The following SCN9A variants were observed in gnomAD, a reference collection of about 807,000 sequenced individuals.
The protein encoded by SCN9A is sodium channel protein type 9 subunit alpha.
In SCN9A, 131 loss-of-function variants were observed where a neutral mutation model predicts 187.0. The observed-to-expected ratio is 0.70, with a 90% CI of 0.61 to 0.81. SCN9A has a LOEUF of 0.81. SCN9A is among the 30% of genes least tolerant of loss of function. The pLI, the probability that SCN9A is intolerant of heterozygous loss-of-function variation, is 0.00. For missense variants in SCN9A, 2,252 were observed against 2,396.6 expected (o/e 0.94, Z 1.26); for synonymous variants, 809 against 808.6 (o/e 1.00, Z -0.01).
intron 1 of SCN9A, 21 bp from the exon 2 acceptor site, chr2:166,311,827 A>G: frequency 2.1e-6 from 3 of 1,434,376 alleles, no homozygotes. Context: ...ACAAAGAAAT[A>G]AAGACTTAAC....
At chr2:166,205,136 T>C (rs540337793) in intron 24 of SCN9A, 2 of 149,632 alleles carry the variant, frequency 1.3e-5, no homozygotes, top group East Asian at 4.2e-4. Flanking sequence ...CCACTGACTT[T>C]CTTCACAAAA....
At chr2:166,347,002 G>C (rs767039336) in intron 1 of SCN9A, among the ~76,000 whole-genome samples, 1 of 152,164 alleles carries the variant, frequency 6.6e-6, no homozygotes, top group East Asian at 1.9e-4. Context: ...ATTGGGACTG[G>C]GAGTGAGTCA....
intron 2 of SCN9A, among the ~76,000 whole-genome samples, chr2:166,308,645 G>A (rs765492974): frequency 7.9e-5 from 12 of 151,992 alleles, no homozygotes; most frequent in African/African-American, 2.4e-4. Flanking sequence ...TAATACGGCC[G>A]GGCGTGGTGG....
rs1470536862 is a variant in SCN9A at position 166,305,989 on chromosome 2, T to C, written c.468-69A>G. The stretch of plus-strand genomic sequence containing the variant: ...CAACCACCATGTAAATCTTTATAAC[T>C]TATTTTCTCTAATTAACCACTGGAA... On this transcript the variant is annotated intron_variant, in intron 4 of 26. Coordinates refer to ENST00000642356, the MANE Select transcript of SCN9A (RefSeq NM_001365536.1). 9 of 1,574,720 alleles carry C rather than the reference T, an allele frequency of 5.7e-6. No homozygotes were observed. The Admixed American group carries it at 1.2e-4, about 22-fold the overall frequency.
At chr2:166,212,129 G>A (rs796205297) in intron 24 of SCN9A, among the ~76,000 whole-genome samples, 17 of 152,266 alleles carry the variant, frequency 1.1e-4, no homozygotes, top group African/African-American at 3.1e-4. Flanking sequence ...CTATACAGTC[G>A]TCCTTCAGTA....
At chr2:166,347,780 C>T (rs184784994) in intron 1 of SCN9A, among the ~76,000 whole-genome samples, 1 of 152,102 alleles carries the variant, frequency 6.6e-6, no homozygotes, top group African/African-American at 2.4e-5. Context: ...GGTAGCCAAT[C>T]GTAACCCAGC....
chr2:166,284,811 A>G lies in SCN9A; in HGVS notation c.1616T>C (p.Ile539Thr). The change falls in exon 12 of 27, where the codon ATT becomes ACT. Residue 539 changes from isoleucine to threonine, a missense_variant. Transcript: ENST00000642356. ...CCTTGCAGAAAACAAGGAGCCACGA[A>G]TGCTGAGTGGTGACTGCAGAAAAAT... ...LSTPNQSPLS[I>T]RGSLFSARRS... The G allele has an allele frequency of 6.2e-7, 1 of 1,610,660 alleles. No individual in the cohort carries two copies. Among genetic ancestry groups the G allele is most frequent in the African/African-American group, 1.3e-5 (1 of 74,962 alleles).
At chr2:166,345,780 C>G (rs1484680388) in intron 1 of SCN9A, among the ~76,000 whole-genome samples, 1 of 151,914 alleles carries the variant, frequency 6.6e-6, no homozygotes, top group African/African-American at 2.4e-5. Context: ...ACTACCTCCT[C>G]CCCAAATAAA....
intron 1 of SCN9A, among the ~76,000 whole-genome samples, chr2:166,313,843 G>T (rs1355641539): frequency 6.6e-6 from 1 of 152,122 alleles, no homozygotes; most frequent in Non-Finnish European, 1.5e-5. Flanking sequence ...ATCATTTCTA[G>T]CTTCTGATTT....
Position 166,278,135 on chromosome 2 carries a change from T to A in SCN9A, c.2517+5A>T, listed in dbSNP as rs1407349972. On this transcript the variant is annotated splice_donor_5th_base_variant and intron_variant, in intron 15 of 26. Coordinates refer to ENST00000642356, the MANE Select transcript of SCN9A (RefSeq NM_001365536.1). ...AATATAATGGCAACCTTAGTTTATG[T>A]TTACCAGTCTGAATGATCGCAGAAC... is the stretch of plus-strand genomic sequence containing the variant. 6.2e-7 allele frequency: 1 copy of A among 1,608,920 alleles called. No individual in the cohort carries two copies. The highest frequency in any genetic ancestry group is 2.2e-5 in the East Asian group (1 of 44,714).
At position 166,312,696 on chromosome 2, in the gene SCN9A, G is replaced by C. The variant is rs151008517; in HGVS notation, c.-50-890C>G. Among the ~76,000 whole-genome samples the C allele has an allele frequency of 7.2e-5, 11 of 152,206 alleles. No individual in the cohort carries two copies. The East Asian group carries it at 1.9e-3, about 27-fold the overall frequency. On this transcript the variant is annotated intron_variant, in intron 1 of 26. Transcript: ENST00000642356. ...AGTTGAAATTACTCTTTGGCCCATA[G>C]GCTACAGAATGGATAGCGTTAGCAG...
chr2:166,360,546 T>A (rs1002079317), intron 1 of SCN9A, among the ~76,000 whole-genome samples: 8 of 152,160 alleles, frequency 5.3e-5, no homozygotes, highest in Non-Finnish European at 1.2e-4. Context: ...TATACATGTA[T>A]CCACTTCCCT....
At position 166,278,406 on chromosome 2, in the gene SCN9A, T is replaced by C. The variant is rs1025936427; in HGVS notation, c.2344-93A>G. On this transcript the variant is annotated intron_variant, in intron 14 of 26. Transcript: ENST00000642356. ...CACTGTTTGCTTAGCATTTACTGTG[T>C]TCCAGACAGTTTGCTAAATACTTTA... 39 of 1,060,090 alleles carry C rather than the reference T, an allele frequency of 3.7e-5. No homozygotes were observed. In the Admixed American group the frequency reaches 4.7e-4, roughly 13 times the overall value. The allele number at this position is 1,060,090 out of a possible 1,614,324, so 65.7% of individuals were successfully genotyped here. A position where few individuals can be genotyped will look rare whatever the true frequency, so the allele number is the denominator to read the frequency against.
intron 7 of SCN9A, chr2:166,301,592 T>G (rs535395031): frequency 4.6e-5 from 7 of 150,894 alleles, no homozygotes; most frequent in African/African-American, 1.7e-4. Context: ...TTAACAAAGG[T>G]TAAGAAAACC....
intron 1 of SCN9A, among the ~76,000 whole-genome samples, chr2:166,348,625 A>T (rs1214997522): frequency 6.6e-6 from 1 of 152,140 alleles, no homozygotes. Flanking sequence ...TCTGTTAAAA[A>T]ATCATCAGTG....
chr2:166,242,560 T>A lies in SCN9A; in HGVS notation c.3569A>T (p.Glu1190Val). The change falls in exon 19 of 27, where the codon GAA becomes GTA. Residue 1190 changes from glutamate (E) to valine (V), a missense_variant. Physicochemically the swap from Glu to Val is moderately radical, Grantham distance 121. Coordinates refer to ENST00000642356, the MANE Select transcript of SCN9A (RefSeq NM_001365536.1). ...AATGAAGCTTTCAAACCAACTGTGT[T>A]CAACAATCTTGTAGCAGGTTTTCCT... ...NIRKTCYKIV[E>V]HSWFESFIVL... is the part of the protein sequence containing the mutation. The A allele has an allele frequency of 6.3e-7, 1 of 1,588,130 alleles. No homozygotes were observed.
chr2:166,325,393 T>C (rs1376039643), intron 1 of SCN9A, among the ~76,000 whole-genome samples: 1 of 152,162 alleles, frequency 6.6e-6, no homozygotes, highest in Non-Finnish European at 1.5e-5. Context: ...TTTCTTAAAG[T>C]AATCATGCCT....
chr2:166,286,881 G>T (rs542418683), intron 10 of SCN9A, among the ~76,000 whole-genome samples: 1 of 152,080 alleles, frequency 6.6e-6, no homozygotes, highest in Non-Finnish European at 1.5e-5. Context: ...TTACAGTAAA[G>T]ACAAATTAAA....
intron 17 of SCN9A, among the ~76,000 whole-genome samples, chr2:166,257,835 T>G (rs1696345053): frequency 6.6e-6 from 1 of 151,438 alleles, no homozygotes; most frequent in African/African-American, 2.4e-5. Context: ...TTGAAGAAAA[T>G]TCACCATATT....
Sources: gnomAD v4.1 joint callset for allele counts (sites outside exome capture counted in the v4.1 genomes callset) on GRCh38, gnomAD v4.1.1 for gene constraint, MANE v1.5 for transcripts, NCBI Gene and HGNC (gene_info 2026-07-23, HGNC 2026-07-21) for gene names.